Variants in IQSEC1 observed in about 807,000 individuals in gnomAD.
IQSEC1 encodes IQ motif and Sec7 domain ArfGEF 1.
IQSEC1 carries 31 observed loss-of-function variants against 91.0 expected under a neutral mutation model. That is an observed-to-expected ratio of 0.34 (90% confidence interval 0.26 to 0.46). The LOEUF is 0.46. Ranked by LOEUF, IQSEC1 falls within the 20% of genes least tolerant of loss-of-function variation. IQSEC1 has a pLI of 1.00. For missense variants in IQSEC1, 1,388 were observed against 1,575.6 expected (o/e 0.88, Z 2.02); for synonymous variants, 699 against 662.6 (o/e 1.05, Z -0.84).
At chr3:13,272,500 G>A (rs1576318587) in intron 1 of IQSEC1, among the ~76,000 whole-genome samples, 1 of 152,238 alleles carries the variant, frequency 6.6e-6, no homozygotes, top group East Asian at 1.9e-4. Flanking sequence ...CCCCAGTACG[G>A]GGGCATCTGT....
chr3:12,905,946 G>T (rs1050431852), intron 12 of IQSEC1, among the ~76,000 whole-genome samples: 3 of 152,198 alleles, frequency 2.0e-5, no homozygotes, highest in South Asian at 4.1e-4. Flanking sequence ...ATGAGCACCG[G>T]GTGGGGAGTC....
At chr3:13,129,528 TA>T (rs1175567019) in intron 2 of IQSEC1, among the ~76,000 whole-genome samples, 2 of 152,172 alleles carry the variant, frequency 1.3e-5, no homozygotes, top group Non-Finnish European at 2.9e-5. Flanking sequence ...AATTTGTTCT[TA>T]AAAACAAAAC....
chr3:13,204,536 C>T (rs1316586116), intron 1 of IQSEC1, among the ~76,000 whole-genome samples: 1 of 152,222 alleles, frequency 6.6e-6, no homozygotes, highest in African/African-American at 2.4e-5. Context: ...GAGAGCGGCT[C>T]ACGCTGCGCC....
intron 1 of IQSEC1, among the ~76,000 whole-genome samples, chr3:13,265,021 C>T (rs1284165566): frequency 1.3e-5 from 2 of 152,184 alleles, no homozygotes; most frequent in Non-Finnish European, 2.9e-5. Flanking sequence ...GTGGGAGCTG[C>T]AGCCCTGATA....
Position 12,899,790 on chromosome 3 carries a change from ACT to A in IQSEC1, c.*1191_*1192del, listed in dbSNP as rs371007445. ...TTCGAGAGTGGTTCCTGATGAAAAC[ACT>A]CTCTGAGGGCTTCGGCCTGGTGTGG... On this transcript the variant is annotated 3_prime_UTR_variant, in exon 14 of 14. Transcript: ENST00000613206. 4.9e-3 allele frequency: 4,795 copies of A among 984,758 alleles called. 29 individuals are homozygous for A. Among genetic ancestry groups the A allele is most frequent in the Middle Eastern group, 0.02 (39 of 1,914 alleles). The allele number at this position is 984,758 out of a possible 1,614,324, so 61.0% of individuals were successfully genotyped here.
At position 13,021,754 on chromosome 3, in the gene IQSEC1, C is replaced by T. The variant is rs374860630; in HGVS notation, c.23+51238G>A. On this transcript the variant is annotated intron_variant, in intron 1 of 13. Transcript: ENST00000613206. ...CAGGGCCAGGGTCACACAGCTGTGC[C>T]CTGTGCCAGCATGTTATGTAACACA... 2.1e-4 allele frequency among the ~76,000 whole-genome samples: 32 copies of T among 152,366 alleles called. No homozygotes were observed. In the South Asian group the frequency reaches 6.6e-3, roughly 32 times the overall value.
chr3:13,163,033 T>C (rs143630601), intron 2 of IQSEC1, among the ~76,000 whole-genome samples: 1,858 of 152,224 alleles, frequency 0.012, 11 homozygotes, highest in Non-Finnish European at 0.019. Context: ...CTTCTGAGCA[T>C]GCCTCTGCTT....
At chr3:13,188,143 G>A (rs905373895) in intron 1 of IQSEC1, among the ~76,000 whole-genome samples, 1 of 152,214 alleles carries the variant, frequency 6.6e-6, no homozygotes. Flanking sequence ...CTGAAACTGA[G>A]ACTGCTTCTA....
intron 13 of IQSEC1, 57 bp downstream of exon 13, chr3:12,902,716 G>C: frequency 1.4e-6 from 1 of 717,810 alleles, no homozygotes; most frequent in Non-Finnish European, 2.5e-6. Flanking sequence ...GATATGAACT[G>C]AGGACTGGGG....
chr3:13,069,773 A>T (rs930475533), intron 1 of IQSEC1, among the ~76,000 whole-genome samples: 9 of 152,194 alleles, frequency 5.9e-5, no homozygotes, highest in Admixed American at 2.6e-4. Context: ...AGAGATGATG[A>T]AAAGGATGCT....
In IQSEC1 at chr3:13,032,809, C is replaced by A. The variant is rs190342965; in HGVS notation, c.23+40183G>T. Among the ~76,000 whole-genome samples, 57 of 152,298 alleles carry A rather than the reference C, an allele frequency of 3.7e-4. 3 individuals carry two copies. The East Asian group carries it at 0.011, about 28-fold the overall frequency. On this transcript the variant is annotated intron_variant, in intron 1 of 13. Coordinates refer to ENST00000613206, the MANE Select transcript of IQSEC1 (RefSeq NM_001134382.3). ...CCGTGTTAGCCAGGATGGTCTCAAT[C>A]TCCTGACCTCGTGATCCGCCTGCCT... is the stretch of plus-strand genomic sequence containing the variant.
chr3:13,213,858 A>G (rs896219876), intron 1 of IQSEC1, among the ~76,000 whole-genome samples: 5 of 152,136 alleles, frequency 3.3e-5, no homozygotes, highest in African/African-American at 1.2e-4. Flanking sequence ...TCACCTGCCC[A>G]CCTGCCTGGC....
intron 1 of IQSEC1, among the ~76,000 whole-genome samples, chr3:13,029,693 T>G (rs765133474): frequency 6.6e-6 from 1 of 152,236 alleles, no homozygotes; most frequent in Non-Finnish European, 1.5e-5. Flanking sequence ...TGAGTGTGTG[T>G]GCGCACATGC....
chr3:12,967,496 G>T lies in IQSEC1; in HGVS notation c.24-25631C>A. 1.4e-6 allele frequency: 2 copies of T among 1,461,324 alleles called. No homozygotes were observed. The highest frequency in any genetic ancestry group is 9.0e-7 in the Non-Finnish European group (1 of 1,112,610). 90.5% of individuals were successfully genotyped at this position (1,461,324 alleles called of 1,614,324 possible). On this transcript the variant is annotated intron_variant, in intron 1 of 13. Transcript: ENST00000613206. The surrounding 1 kb of genome is among the most constrained non-coding windows in gnomAD (Gnocchi z 5.9). ...GGCCGGGCCGGGAGCCGGGACCCAG[G>T]CCCAGCAGAGGCCGCCGACTCCCGC...
chr3:13,154,459 A>ATATATATATATATATATG, intron 2 of IQSEC1, among the ~76,000 whole-genome samples: 2 of 115,418 alleles, frequency 1.7e-5, no homozygotes, highest in African/African-American at 6.5e-5. Context: ...ATATATATAT[A>ATATATATATATATATATG]TATATATATA....
chr3:13,270,025 A>C (rs926632452), intron 1 of IQSEC1, among the ~76,000 whole-genome samples: 3 of 152,216 alleles, frequency 2.0e-5, no homozygotes, highest in Non-Finnish European at 4.4e-5. Flanking sequence ...GAGAAGCCAC[A>C]TGTGGATATT....
chr3:13,191,477 A>ATTTTTTTTTTTTTTTTTTTTTTTTTTT, intron 1 of IQSEC1, among the ~76,000 whole-genome samples: 1 of 92,102 alleles, frequency 1.1e-5, no homozygotes, highest in Non-Finnish European at 2.0e-5. Flanking sequence ...CACCCAGCTA[A>ATTTTTTTTTTTTTTTTTTTTTTTTTTT]TTTTTTTTTT....
At chr3:13,149,609 G>A (rs951984994) in intron 2 of IQSEC1, among the ~76,000 whole-genome samples, 5 of 152,192 alleles carry the variant, frequency 3.3e-5, no homozygotes, top group South Asian at 2.1e-4. Context: ...CTATTGAGGC[G>A]GGAGCTGTAG....
chr3:13,251,594 G>A (rs943383366), intron 1 of IQSEC1, among the ~76,000 whole-genome samples: 1 of 152,222 alleles, frequency 6.6e-6, no homozygotes, highest in Admixed American at 6.5e-5. Flanking sequence ...TTTACACAGT[G>A]GCATCCAAAA....
Sources: allele counts gnomAD v4.1 joint callset (sites outside exome capture counted in the v4.1 genomes callset), GRCh38; gene constraint gnomAD v4.1.1; non-coding constraint Gnocchi (gnomAD v3.1); transcripts MANE v1.5; gene names NCBI Gene and HGNC (gene_info 2026-07-23, HGNC 2026-07-21).